Variants in XIRP2 observed in about 807,000 individuals in gnomAD.
The protein encoded by XIRP2 is xin actin binding repeat containing 2.
XIRP2 carries 236 observed loss-of-function variants against 277.0 expected under a neutral mutation model. The observed-to-expected ratio is 0.85, with a 90% CI of 0.77 to 0.95. The LOEUF (loss-of-function observed/expected upper bound fraction) is 0.95, where lower values mean the gene tolerates loss of function less well. Among genes scored for constraint, XIRP2 ranks in the 40% least tolerant of loss-of-function variants. The probability of loss-of-function intolerance (pLI) is 0.00; values close to 1 mark genes in which losing one functional copy is unlikely to be tolerated. For missense variants in XIRP2, 4,640 were observed against 4,157.5 expected, an observed-to-expected ratio of 1.12 and a Z score of -3.19; for synonymous variants, 1,490 against 1,416.5, an observed-to-expected ratio of 1.05 and a Z score of -1.17.
chr2:167,115,812 G>A (rs569125723), intron 2 of XIRP2, among the ~76,000 whole-genome samples: 2 of 152,314 alleles, frequency 1.3e-5, no homozygotes, highest in East Asian at 3.9e-4. Flanking sequence ...TCAGACAGAA[G>A]CAGAACTACT....
chr2:167,155,663 A>G (rs1183009920), intron 3 of XIRP2, among the ~76,000 whole-genome samples: 13 of 152,010 alleles, frequency 8.6e-5, no homozygotes, highest in Non-Finnish European at 1.5e-5. Context: ...AAAAACTGGA[A>G]GCATTCCCTT....
At chr2:167,112,195 T>G (rs536413070) in intron 2 of XIRP2, among the ~76,000 whole-genome samples, 1 of 152,138 alleles carries the variant, frequency 6.6e-6, no homozygotes, top group Non-Finnish European at 1.5e-5. Context: ...ATTTCTTGTC[T>G]TCTGATAGCC....
intron 2 of XIRP2, among the ~76,000 whole-genome samples, chr2:166,914,181 G>A (rs1393657070): frequency 6.6e-6 from 1 of 152,126 alleles, no homozygotes; most frequent in African/African-American, 2.4e-5. Context: ...CATGATGCAG[G>A]GCCATGACCC....
At chr2:167,198,723 A>G (rs952195223) in intron 3 of XIRP2, among the ~76,000 whole-genome samples, 1 of 152,162 alleles carries the variant, frequency 6.6e-6, no homozygotes, top group East Asian at 1.9e-4. Flanking sequence ...CTTCCAGAAG[A>G]GTAGGTTATT....
chr2:167,212,907 C>A (rs1335316721), intron 4 of XIRP2, among the ~76,000 whole-genome samples: 3 of 110,654 alleles, frequency 2.7e-5, no homozygotes, highest in South Asian at 3.9e-4. Flanking sequence ...ACCCCCCCAC[C>A]CCTCTGCACA....
At chr2:167,095,897 G>T (rs1690299690) in intron 2 of XIRP2, among the ~76,000 whole-genome samples, 1 of 85,826 alleles carries the variant, frequency 1.2e-5, no homozygotes, top group South Asian at 4.3e-4. Flanking sequence ...TTTTTGAGAA[G>T]GAGTCTCGCT....
At chr2:166,903,361 C>T in intron 1 of XIRP2, 104 bp from the exon 2 acceptor site, 3 of 1,190,110 alleles carry the variant, frequency 2.5e-6, no homozygotes, top group East Asian at 4.9e-5. Flanking sequence ...GATTTCTTTA[C>T]TAAGACCCAA....
At chr2:166,981,743 G>A (rs1686875651) in intron 2 of XIRP2, among the ~76,000 whole-genome samples, 1 of 152,098 alleles carries the variant, frequency 6.6e-6, no homozygotes, top group Non-Finnish European at 1.5e-5. Context: ...GATGGATTAG[G>A]GGTCACCACA....
chr2:167,213,816 A>G (rs1425513659), intron 4 of XIRP2, among the ~76,000 whole-genome samples: 1 of 152,116 alleles, frequency 6.6e-6, no homozygotes, highest in Non-Finnish European at 1.5e-5. Flanking sequence ...GAACAAGGAA[A>G]CCTTAGCACC....
chr2:167,204,764 G>A (rs146240027), intron 3 of XIRP2, among the ~76,000 whole-genome samples: 213 of 151,958 alleles, frequency 1.4e-3, no homozygotes, highest in African/African-American at 3.5e-3. Flanking sequence ...ACAAACACGC[G>A]TATTTATTAT....
At chr2:166,890,448 A>G (rs147523465) in intron 1 of XIRP2, among the ~76,000 whole-genome samples, 3 of 152,174 alleles carry the variant, frequency 2.0e-5, no homozygotes, top group African/African-American at 7.2e-5. Context: ...AGTGCTAAGG[A>G]CATCTCAGAT....
At chr2:167,032,105 T>C (rs1259273407) in intron 2 of XIRP2, among the ~76,000 whole-genome samples, 1 of 151,950 alleles carries the variant, frequency 6.6e-6, no homozygotes, top group Non-Finnish European at 1.5e-5. Flanking sequence ...CCAAAACAGA[T>C]ATATAGACAA....
intron 2 of XIRP2, among the ~76,000 whole-genome samples, chr2:167,028,226 T>G (rs1688229254): frequency 6.6e-6 from 1 of 152,066 alleles, no homozygotes; most frequent in African/African-American, 2.4e-5. Flanking sequence ...CTTTTATTTC[T>G]CACAATAATC....
At position 166,903,977 on chromosome 2, in the gene XIRP2, C is replaced by G. The variant is rs998287531; in HGVS notation, c.408+87C>G. The G allele has an allele frequency of 2.3e-5, 33 of 1,449,416 alleles. No homozygotes were observed. The African/African-American group carries it at 3.4e-4, about 15-fold the overall frequency. The allele number at this position is 1,449,416 out of a possible 1,614,324, so 89.8% of individuals were successfully genotyped here. On this transcript the variant is annotated intron_variant, in intron 2 of 10. Transcript: ENST00000409195. Reference sequence around the variant, plus strand: ...TATTACTAAGCATGTAATCTTTCCCCCCGCCAGTATTCTAGACAGATGTCC... The same window carrying G: ...TATTACTAAGCATGTAATCTTTCCCGCCGCCAGTATTCTAGACAGATGTCC...
At position 167,191,307 on chromosome 2, in the gene XIRP2, G is replaced by T. The variant is rs563787997; in HGVS notation, c.563-19428G>T. On this transcript the variant is annotated intron_variant, in intron 3 of 10. Coordinates refer to ENST00000409195, the MANE Select transcript of XIRP2 (RefSeq NM_152381.6). ...TGCCTTCAAATTCTAGATTAAGAAA[G>T]CTGAGGCACGGGAAGACTAGCTAGT... 2.0e-5 allele frequency among the ~76,000 whole-genome samples: 3 copies of T among 152,106 alleles called. No homozygotes were observed. In the South Asian group the frequency reaches 6.2e-4, roughly 32 times the overall value.
chr2:167,181,753 G>A (rs909856447), intron 3 of XIRP2, among the ~76,000 whole-genome samples: 2 of 152,068 alleles, frequency 1.3e-5, no homozygotes, highest in African/African-American at 2.4e-5. Context: ...TTTAAACACT[G>A]ACGTAACTAG....
intron 2 of XIRP2, among the ~76,000 whole-genome samples, chr2:167,101,976 A>G (rs1379957722): frequency 6.6e-6 from 1 of 152,194 alleles, no homozygotes; most frequent in East Asian, 1.9e-4. Context: ...GGTGAGGAGT[A>G]GAGAAGTGAT....
intron 3 of XIRP2, among the ~76,000 whole-genome samples, chr2:167,138,232 T>A (rs1691612551): frequency 6.6e-6 from 1 of 152,224 alleles, no homozygotes; most frequent in Non-Finnish European, 1.5e-5. Context: ...AGTAGATTTT[T>A]AAAATTACAC....
intron 2 of XIRP2, among the ~76,000 whole-genome samples, chr2:166,956,270 T>C (rs1250847205): frequency 1.3e-5 from 2 of 151,836 alleles, no homozygotes; most frequent in Admixed American, 6.6e-5. Context: ...TTGTGTGTAG[T>C]GATTTGTGGA....
Sources: allele counts gnomAD v4.1 joint callset (sites outside exome capture counted in the v4.1 genomes callset), GRCh38; gene constraint gnomAD v4.1.1; transcripts MANE v1.5; gene names NCBI Gene and HGNC (gene_info 2026-07-23, HGNC 2026-07-21).